The following ABCD3 variants were observed in gnomAD, a reference collection of about 807,000 sequenced individuals.
ABCD3 encodes the protein ATP-binding cassette sub-family D member 3.
ABCD3 carries 41 observed loss-of-function variants against 105.5 expected under a neutral mutation model. The ratio of observed to expected loss-of-function variants is 0.39; its 90% confidence interval spans 0.30 to 0.50. ABCD3 has a LOEUF of 0.50. Among genes scored for constraint, ABCD3 ranks in the 20% least tolerant of loss-of-function variants. The pLI, the probability that ABCD3 is intolerant of heterozygous loss-of-function variation, is 0.84. For missense variants in ABCD3, 622 were observed against 806.3 expected, an observed-to-expected ratio of 0.77 and a Z score of 2.77; for synonymous variants, 258 against 269.0, an observed-to-expected ratio of 0.96 and a Z score of 0.40.
Position 94,464,776 on chromosome 1 carries a change from A to G in ABCD3, c.149A>G (p.Lys50Arg). 2 of 1,612,844 alleles carry G rather than the reference A, an allele frequency of 1.2e-6. No homozygotes were observed. The highest frequency in any genetic ancestry group is 1.3e-5 in the African/African-American group (1 of 74,898). The change falls in exon 3 of 23, where the codon AAA becomes AGA. Residue 50 changes from lysine to arginine, a missense_variant and splice_region_variant. Lys to Arg is a conservative substitution (Grantham distance 26). Transcript: ENST00000370214. The part of the protein sequence containing the change: ...SGKPPLQNNE[K>R]EGKKERAVVD... Reference sequence around the variant, plus strand: ...AAGGGCTTCTTTTTTTTAATGCAGAAAGAGGGGAAAAAGGAGCGAGCTGTG... The same window carrying G: ...AAGGGCTTCTTTTTTTTAATGCAGAGAGAGGGGAAAAAGGAGCGAGCTGTG...
chr1:94,420,192 A>C (rs536785235), intron 1 of ABCD3, among the ~76,000 whole-genome samples: 2 of 152,286 alleles, frequency 1.3e-5, no homozygotes, highest in African/African-American at 4.8e-5. Flanking sequence ...CAAGTAGAAC[A>C]CACTCGTGTA....
At chr1:94,506,728 A>AG in intron 21 of ABCD3, 86 bp downstream of exon 21, 2 of 954,758 alleles carry the variant, frequency 2.1e-6, no homozygotes, top group Non-Finnish European at 3.3e-6. Flanking sequence ...AGAAGATTCC[A>AG]GGTCACTAAG....
At chr1:94,507,032 C>A (rs889048912) in intron 21 of ABCD3, among the ~76,000 whole-genome samples, 1 of 151,710 alleles carries the variant, frequency 6.6e-6, no homozygotes, top group African/African-American at 2.4e-5. Context: ...GGTACATGTG[C>A]AAAATGTGCA....
At chr1:94,415,278 G>A (rs1302719496), upstream of ABCD3, among the ~76,000 whole-genome samples, 2 of 152,170 alleles carry the variant, frequency 1.3e-5, no homozygotes, top group Admixed American at 6.5e-5. Context: ...GGACAATCTT[G>A]GAGTCTGGCT....
chr1:94,472,402 T>C (rs898259898), intron 4 of ABCD3, among the ~76,000 whole-genome samples: 1 of 152,122 alleles, frequency 6.6e-6, no homozygotes, highest in African/African-American at 2.4e-5. Flanking sequence ...AATATTCTTA[T>C]TGCTATAAAC....
intron 1 of ABCD3, among the ~76,000 whole-genome samples, chr1:94,450,114 A>T (rs1031172313): frequency 6.6e-6 from 1 of 152,236 alleles, no homozygotes; most frequent in African/African-American, 2.4e-5. Context: ...ACAGATTAGC[A>T]GCTAGTAACC....
chr1:94,495,276 TG>T (rs1649742403), intron 16 of ABCD3, among the ~76,000 whole-genome samples: 1 of 152,152 alleles, frequency 6.6e-6, no homozygotes, highest in Non-Finnish European at 1.5e-5. Context: ...GAGTATTATT[TG>T]GGGGGTATAT....
intron 13 of ABCD3, among the ~76,000 whole-genome samples, chr1:94,488,679 C>T (rs1361163518): frequency 1.3e-5 from 2 of 151,928 alleles, no homozygotes; most frequent in Admixed American, 1.3e-4. Context: ...GGTCTTCATG[C>T]AATATAGAAG....
intron 20 of ABCD3, among the ~76,000 whole-genome samples, chr1:94,505,371 ATTTTTTTTTTT>A (rs71097204): frequency 5.4e-4 from 64 of 118,846 alleles, no homozygotes; most frequent in Middle Eastern, 4.2e-3. Context: ...TGCTTGGCTA[ATTTTTTTTTTT>A]TTTTTTTTTT....
chr1:94,419,256 C>T (rs1482564948), intron 1 of ABCD3: 1 of 984,240 alleles, frequency 1.0e-6, no homozygotes, highest in Admixed American at 6.1e-5. Context: ...TGGATCGGTT[C>T]TGTCGGACTT....
intron 1 of ABCD3, among the ~76,000 whole-genome samples, chr1:94,448,313 C>G (rs1660435663): frequency 6.6e-6 from 1 of 152,214 alleles, no homozygotes; most frequent in African/African-American, 2.4e-5. Context: ...TCTTACTTGG[C>G]AAACCCATTT....
the ABCD3 span, among the ~76,000 whole-genome samples, chr1:94,388,726 T>G: frequency 6.6e-6 from 1 of 152,198 alleles, no homozygotes; most frequent in African/African-American, 2.4e-5. Flanking sequence ...GAGAATCATC[T>G]TAGCCTGAGT....
At chr1:94,456,419 G>A (rs181642631) in intron 1 of ABCD3, among the ~76,000 whole-genome samples, 50 of 151,270 alleles carry the variant, frequency 3.3e-4, no homozygotes, top group Non-Finnish European at 6.2e-4. Context: ...GGGACTACAG[G>A]TGCATGCCTC....
At chr1:94,422,985 TG>T (rs1396613478) in intron 1 of ABCD3, among the ~76,000 whole-genome samples, 1 of 152,220 alleles carries the variant, frequency 6.6e-6, no homozygotes, top group East Asian at 1.9e-4. Flanking sequence ...TCCCTCAATC[TG>T]GTCTTACTTT....
At chr1:94,411,733 G>C in the ABCD3 span, among the ~76,000 whole-genome samples, 2 of 152,110 alleles carry the variant, frequency 1.3e-5, no homozygotes, top group Non-Finnish European at 2.9e-5. Context: ...CCAAAAGGTA[G>C]AAACAACCCA....
intron 1 of ABCD3, among the ~76,000 whole-genome samples, chr1:94,428,418 AAAT>A (rs1450166655): frequency 1.3e-5 from 2 of 152,038 alleles, no homozygotes; most frequent in East Asian, 3.9e-4. Context: ...TGCTCTAGGT[AAAT>A]AATAATTTAG....
At chr1:94,500,348 A>C (rs1013136518) in intron 20 of ABCD3, among the ~76,000 whole-genome samples, 8 of 152,128 alleles carry the variant, frequency 5.3e-5, no homozygotes, top group African/African-American at 1.7e-4. Context: ...GGGAGGCGGA[A>C]AGATTGCTTG....
At chr1:94,512,710 C>A (rs1650742115) in intron 21 of ABCD3, among the ~76,000 whole-genome samples, 1 of 151,976 alleles carries the variant, frequency 6.6e-6, no homozygotes, top group Non-Finnish European at 1.5e-5. Flanking sequence ...TGGTTCCATT[C>A]TTTAAGTAAT....
chr1:94,464,776 AAG>A lies in ABCD3; in HGVS notation c.152_153del (p.Glu51GlyfsTer26), dbSNP rs757464428. On this transcript the variant is annotated frameshift_variant and splice_region_variant, in exon 3 of 23. Transcript: ENST00000370214. LOFTEE classifies it high-confidence loss of function. ...AAGGGCTTCTTTTTTTTAATGCAGA[AAG>A]AGGGGAAAAAGGAGCGAGCTGTGGT... 28 of 1,612,728 alleles carry A rather than the reference AAG, an allele frequency of 1.7e-5. No individual in the cohort carries two copies. Among genetic ancestry groups the A allele is most frequent in the Non-Finnish European group, 1.7e-5 (20 of 1,179,096 alleles).
Sources: gnomAD v4.1 joint callset for allele counts (sites outside exome capture counted in the v4.1 genomes callset) on GRCh38, gnomAD v4.1.1 for gene constraint, MANE v1.5 for transcripts, NCBI Gene and HGNC (gene_info 2026-07-23, HGNC 2026-07-21) for gene names.